The following NHS variants were observed in gnomAD, a reference collection of about 807,000 sequenced individuals.
The protein encoded by NHS is actin remodeling regulator NHS.
A neutral mutation model predicts 72.5 loss-of-function variants in NHS; 5 were observed. The observed-to-expected ratio is 0.07, with a 90% CI of 0.04 to 0.14. NHS has a LOEUF of 0.14. NHS is among the 10% of genes least tolerant of loss of function. The probability of loss-of-function intolerance (pLI) is 1.00; values close to 1 mark genes in which losing one functional copy is unlikely to be tolerated. For missense variants in NHS, 1,072 were observed against 1,355.7 expected, an observed-to-expected ratio of 0.79 and a Z score of 3.29; for synonymous variants, 464 against 547.7, an observed-to-expected ratio of 0.85 and a Z score of 2.13.
intron 1 of NHS, among the ~76,000 whole-genome samples, chrX:17,673,656 G>A (rs1217683133): frequency 1.8e-5 from 2 of 111,225 alleles, no homozygotes; most frequent in South Asian, 7.6e-4. Context: ...CCCTACCTGC[G>A]CCTCTCTGAT....
chrX:17,554,696 C>CCCGT (rs1166483620), intron 1 of NHS, among the ~76,000 whole-genome samples: 2 of 111,928 alleles, frequency 1.8e-5, no homozygotes, highest in African/African-American at 6.5e-5. Context: ...TGTTCACTGA[C>CCCGT]CCGTATATGT....
intron 1 of NHS, among the ~76,000 whole-genome samples, chrX:17,632,766 G>A (rs1176961922): frequency 9.0e-6 from 1 of 111,476 alleles, no homozygotes; most frequent in Non-Finnish European, 1.9e-5. Flanking sequence ...TGCAATTACT[G>A]GCATATCATT....
intron 1 of NHS, among the ~76,000 whole-genome samples, chrX:17,426,989 T>G (rs1362465610): frequency 1.8e-5 from 2 of 111,817 alleles, no homozygotes; most frequent in Non-Finnish European, 3.8e-5. Context: ...CTTAAAGAAG[T>G]TCCAGCTTTG....
chrX:17,451,941 T>A (rs2064807221), intron 1 of NHS, among the ~76,000 whole-genome samples: 1 of 112,069 alleles, frequency 8.9e-6, no homozygotes, highest in South Asian at 3.7e-4. Context: ...TAAATTGCTA[T>A]TTTATGTCTC....
intron 1 of NHS, among the ~76,000 whole-genome samples, chrX:17,523,735 A>T (rs998338514): frequency 8.9e-6 from 1 of 111,940 alleles, no homozygotes; most frequent in African/African-American, 3.2e-5. Flanking sequence ...CCTCAATAAA[A>T]GCCCAGTCTT....
intron 1 of NHS, among the ~76,000 whole-genome samples, chrX:17,547,735 T>A (rs760310256): frequency 1.8e-5 from 2 of 112,746 alleles, no homozygotes; most frequent in Non-Finnish European, 3.7e-5. Context: ...TATCTCTTGC[T>A]GTAACTTAGT....
chrX:17,695,036 C>G (rs1183913197), intron 3 of NHS, among the ~76,000 whole-genome samples: 1 of 112,483 alleles, frequency 8.9e-6, no homozygotes, highest in African/African-American at 3.2e-5. Flanking sequence ...GTGCCTAGCA[C>G]AGTGCCTAAA....
At chrX:17,607,768 A>G (rs1399253250) in intron 1 of NHS, among the ~76,000 whole-genome samples, 3 of 110,590 alleles carry the variant, frequency 2.7e-5, no homozygotes, top group Non-Finnish European at 5.7e-5. Flanking sequence ...ATTTTAACTA[A>G]TTGGAATTTA....
chrX:17,608,448 T>G (rs2065692884), intron 1 of NHS, among the ~76,000 whole-genome samples: 1 of 112,015 alleles, frequency 8.9e-6, no homozygotes, highest in African/African-American at 3.2e-5. Flanking sequence ...AAAATCGTTT[T>G]TGTTCAAAAA....
At chrX:17,579,469 T>C (rs7056211) in intron 1 of NHS, among the ~76,000 whole-genome samples, 6,500 of 110,795 alleles carry the variant, frequency 0.059, 442 homozygotes, top group African/African-American at 0.2. Context: ...TCTCTCCCCC[T>C]GCTCCCCCTC....
chrX:17,561,254 C>G (rs778233863), intron 1 of NHS, among the ~76,000 whole-genome samples: 1 of 112,029 alleles, frequency 8.9e-6, no homozygotes, highest in African/African-American at 3.2e-5. Flanking sequence ...TAGTGAGAAA[C>G]AGTATCTGTG....
At chrX:17,516,274 A>G (rs1213388711) in intron 1 of NHS, among the ~76,000 whole-genome samples, 1 of 111,654 alleles carries the variant, frequency 9.0e-6, no homozygotes, top group Non-Finnish European at 1.9e-5. Context: ...ACTGGCCACC[A>G]TATTGGACAG....
chrX:17,704,138 T>C (rs2147124040), intron 3 of NHS, among the ~76,000 whole-genome samples: 1 of 110,886 alleles, frequency 9.0e-6, no homozygotes, highest in African/African-American at 3.3e-5. Flanking sequence ...CTCCACTAGG[T>C]GCAGTGGCAC....
At chrX:17,515,834 G>A (rs2065116401) in intron 1 of NHS, among the ~76,000 whole-genome samples, 1 of 111,506 alleles carries the variant, frequency 9.0e-6, no homozygotes, top group Admixed American at 9.5e-5. Context: ...CTAGTAGGTG[G>A]CCAAACTACA....
At position 17,655,116 on chromosome X, in the gene NHS, C is replaced by T. The variant is rs185061257; in HGVS notation, c.566-32626C>T. Among the ~76,000 whole-genome samples the T allele has an allele frequency of 3.1e-3, 349 of 112,122 alleles. 4 individuals are homozygous for T. Among genetic ancestry groups the T allele is most frequent in the African/African-American group, 0.011 (335 of 30,865 alleles). On this transcript the variant is annotated intron_variant, in intron 1 of 8. Transcript: ENST00000676302. ...GACGCAATGTCACATTTTTCGGGTG[C>T]TCTAGTCCTGTTATATGCGGGCACA...
intron 3 of NHS, among the ~76,000 whole-genome samples, chrX:17,695,828 G>T (rs2066225737): frequency 9.4e-6 from 1 of 106,355 alleles, no homozygotes; most frequent in African/African-American, 3.4e-5. Flanking sequence ...TAAACCCTTT[G>T]TTAGCTGAAA....
rs184329812 is a variant in NHS, at chrX:17,675,330, A to T, written c.566-12412A>T. ...AGATTTTCAGCACAAGAGAAAATAG[A>T]TCAATTATAAAATCAAGGAAGTTAA... On this transcript the variant is annotated intron_variant, in intron 1 of 8. Coordinates refer to ENST00000676302, the MANE Select transcript of NHS (RefSeq NM_001291867.2). 1.2e-4 allele frequency among the ~76,000 whole-genome samples: 14 copies of T among 112,833 alleles called. No homozygotes were observed. In the Admixed American group the frequency reaches 1.3e-3, roughly 11 times the overall value.
intron 1 of NHS, among the ~76,000 whole-genome samples, chrX:17,572,776 A>G (rs1423922109): frequency 1.8e-5 from 2 of 111,311 alleles, no homozygotes; most frequent in Non-Finnish European, 1.9e-5. Context: ...CATAGCGTCA[A>G]TGGTCTTTGC....
chrX:17,538,792 A>T (rs770460859), intron 1 of NHS, among the ~76,000 whole-genome samples: 1 of 112,023 alleles, frequency 8.9e-6, no homozygotes, highest in South Asian at 3.8e-4. Flanking sequence ...GCACAGACAG[A>T]TCAAAACCGC....
Sources: allele counts gnomAD v4.1 joint callset (sites outside exome capture counted in the v4.1 genomes callset), GRCh38; gene constraint gnomAD v4.1.1; transcripts MANE v1.5; gene names NCBI Gene and HGNC (gene_info 2026-07-23, HGNC 2026-07-21).